The following MACROD1 variants were observed in gnomAD, a reference collection of about 807,000 sequenced individuals.
The protein encoded by MACROD1 is mono-ADP ribosylhydrolase 1, also known as ADP-ribose glycohydrolase MACROD1.
In MACROD1, 31 loss-of-function variants were observed where a neutral mutation model predicts 41.4. The ratio of observed to expected loss-of-function variants is 0.75; its 90% CI spans 0.56 to 1.01. MACROD1 has a LOEUF of 1.01. Among genes scored for constraint, MACROD1 ranks in the 50% least tolerant of loss-of-function variants. The probability of loss-of-function intolerance (pLI) is 0.00; values close to 1 mark genes in which losing one functional copy is unlikely to be tolerated. For missense variants in MACROD1, 473 were observed against 460.0 expected (o/e 1.03, Z -0.26); for synonymous variants, 252 against 203.4 (o/e 1.24, Z -2.03).
intron 3 of MACROD1, among the ~76,000 whole-genome samples, chr11:64,145,820 A>G (rs1281055552): frequency 6.6e-6 from 1 of 151,942 alleles, no homozygotes; most frequent in Non-Finnish European, 1.5e-5. Flanking sequence ...ACCAGGATGG[A>G]GTGCAGTGGC....
At chr11:64,087,767 C>G (rs754659781) in intron 3 of MACROD1, among the ~76,000 whole-genome samples, 3 of 152,246 alleles carry the variant, frequency 2.0e-5, no homozygotes, top group Non-Finnish European at 2.9e-5. Flanking sequence ...ACGCTGTGCA[C>G]GTCTGAATGA....
At chr11:64,099,908 G>C (rs1347403909) in intron 3 of MACROD1, among the ~76,000 whole-genome samples, 1 of 152,084 alleles carries the variant, frequency 6.6e-6, no homozygotes, top group Non-Finnish European at 1.5e-5. Context: ...TGGAAGGATG[G>C]AGGGATGGAT....
intron 3 of MACROD1, among the ~76,000 whole-genome samples, chr11:64,056,048 G>A (rs1943779754): frequency 6.6e-6 from 1 of 152,196 alleles, no homozygotes; most frequent in South Asian, 2.1e-4. Context: ...CCTCCCTGTG[G>A]GCCAGGGTTG....
intron 3 of MACROD1, among the ~76,000 whole-genome samples, chr11:64,040,080 G>T (rs1042899796): frequency 2.0e-5 from 3 of 152,224 alleles, no homozygotes; most frequent in Non-Finnish European, 4.4e-5. Flanking sequence ...ATTAGTTATT[G>T]CCAGGCACAG....
chr11:64,137,855 C>T (rs375754996), intron 3 of MACROD1, among the ~76,000 whole-genome samples: 14 of 152,358 alleles, frequency 9.2e-5, no homozygotes, highest in African/African-American at 3.4e-4. Context: ...CCCAGCTCAG[C>T]ATCCCCTGCT....
chr11:64,083,495 C>T (rs922291792), intron 3 of MACROD1, among the ~76,000 whole-genome samples: 2 of 152,180 alleles, frequency 1.3e-5, no homozygotes, highest in Admixed American at 6.5e-5. Flanking sequence ...CCAGCCTGTC[C>T]GCTTCGGGTG....
intron 1 of MACROD1, 142 bp from the exon 2 acceptor site, chr11:64,152,535 T>G (rs963769373): frequency 2.9e-6 from 2 of 681,892 alleles, no homozygotes; most frequent in Non-Finnish European, 5.2e-6. Context: ...AGGGCAGGCA[T>G]GCTGGGGAAA....
intron 3 of MACROD1, among the ~76,000 whole-genome samples, chr11:64,114,745 A>T (rs1167278939): frequency 2.0e-5 from 3 of 151,996 alleles, no homozygotes; most frequent in Non-Finnish European, 2.9e-5. Flanking sequence ...ATGGATGGAC[A>T]GGTCCATGCA....
intron 3 of MACROD1, among the ~76,000 whole-genome samples, chr11:64,055,511 G>T (rs1444775855): frequency 6.6e-6 from 1 of 152,204 alleles, no homozygotes; most frequent in Non-Finnish European, 1.5e-5. Flanking sequence ...CCCCATTAGG[G>T]GGCTAAAGAG....
intron 3 of MACROD1, among the ~76,000 whole-genome samples, chr11:64,022,039 G>A (rs1943164332): frequency 6.6e-6 from 1 of 150,636 alleles, no homozygotes; most frequent in Admixed American, 6.6e-5. Context: ...GCCAGGCAGG[G>A]GTGGGGGACG....
chr11:63,999,185 C>T (rs930753834), intron 8 of MACROD1, 146 bp downstream of exon 8: 34 of 1,341,074 alleles, frequency 2.5e-5, no homozygotes, highest in South Asian at 1.6e-4. Flanking sequence ...CATCTCGCCA[C>T]CGCCAGGCGC....
intron 3 of MACROD1, among the ~76,000 whole-genome samples, chr11:64,041,604 G>A (rs1304396465): frequency 1.3e-5 from 2 of 152,134 alleles, no homozygotes; most frequent in East Asian, 3.9e-4. Flanking sequence ...AATGGAAAAA[G>A]GGGTGCAGCC....
intron 1 of MACROD1, among the ~76,000 whole-genome samples, chr11:64,159,043 C>T (rs1021597656): frequency 1.3e-5 from 2 of 151,844 alleles, no homozygotes; most frequent in Admixed American, 6.6e-5. Flanking sequence ...AAAATGAGGC[C>T]GGGTGCAGGG....
intron 3 of MACROD1, among the ~76,000 whole-genome samples, chr11:64,102,860 G>A (rs1944694066): frequency 1.3e-5 from 2 of 152,174 alleles, no homozygotes; most frequent in South Asian, 4.1e-4. Context: ...ATGAAGTCAG[G>A]AGATGGAGAC....
At chr11:64,116,653 T>G in intron 3 of MACROD1, 1 of 1,613,782 alleles carries the variant, frequency 6.2e-7, no homozygotes, top group Non-Finnish European at 8.5e-7. Context: ...CCCCGCTCCC[T>G]CCGGGAGCTG....
intron 3 of MACROD1, chr11:64,118,009 G>T (rs1393488373): frequency 6.2e-7 from 1 of 1,613,658 alleles, no homozygotes; most frequent in Non-Finnish European, 8.5e-7. Flanking sequence ...CACCAGGCTG[G>T]CGAGCTGCTG....
At chr11:64,132,568 G>A (rs910854427) in intron 3 of MACROD1, among the ~76,000 whole-genome samples, 1 of 152,166 alleles carries the variant, frequency 6.6e-6, no homozygotes, top group African/African-American at 2.4e-5. Context: ...CGGCTCCTCG[G>A]GGTCTGGCAG....
intron 4 of MACROD1, among the ~76,000 whole-genome samples, chr11:64,003,226 C>T (rs1942856423): frequency 6.6e-6 from 1 of 152,148 alleles, no homozygotes; most frequent in Admixed American, 6.5e-5. Context: ...TGATATGGCT[C>T]CTTCATATCA....
intron 4 of MACROD1, among the ~76,000 whole-genome samples, chr11:64,009,601 T>A (rs923618418): frequency 3.3e-5 from 5 of 152,162 alleles, no homozygotes; most frequent in African/African-American, 1.2e-4. Context: ...GTAGGGGGAC[T>A]TCCCCAGGAC....
Sources: allele counts gnomAD v4.1 joint callset (sites outside exome capture counted in the v4.1 genomes callset), GRCh38; gene constraint gnomAD v4.1.1; transcripts MANE v1.5; gene names NCBI Gene and HGNC (gene_info 2026-07-23, HGNC 2026-07-21).